The following NRG4 variants were observed in gnomAD, a reference collection of about 807,000 sequenced individuals.
The protein encoded by NRG4 is neuregulin 4, also known as pro-neuregulin-4, membrane-bound isoform.
In NRG4, 10 loss-of-function variants were observed where a neutral mutation model predicts 15.0. The observed-to-expected ratio is 0.67, with a 90% CI of 0.41 to 1.13. The LOEUF (loss-of-function observed/expected upper bound fraction) is 1.13, where lower values mean the gene tolerates loss of function less well. Ranked by LOEUF, NRG4 falls within the 50% of genes most tolerant of loss-of-function variation. The pLI is 0.00. For synonymous variants in NRG4, 41 were observed against 50.1 expected (o/e 0.82, Z 0.77); for missense variants, 139 against 140.2 (o/e 0.99, Z 0.04).
Position 75,941,310 on chromosome 15 carries a change from G to T in NRG4, c.*2328C>A, listed in dbSNP as rs948927905. 5.3e-5 allele frequency: 8 copies of T among 152,222 alleles called. No individual in the cohort carries two copies. The East Asian group carries it at 1.4e-3, about 26-fold the overall frequency. The allele number at this position is 152,222 out of a possible 1,614,324, so 9.4% of individuals were successfully genotyped here. On this transcript the variant is annotated 3_prime_UTR_variant, in exon 6 of 6. Transcript: ENST00000394907. ...GTGTTGGCAAGGATGTGGAGAAATT[G>T]GAACTCTTATTACTGATGGAAATAT...
chr15:75,942,653 G>A lies in NRG4; in HGVS notation c.*985C>T, dbSNP rs960507790. 2 of 152,244 alleles carry A rather than the reference G, an allele frequency of 1.3e-5. No homozygotes were observed. The highest frequency in any genetic ancestry group is 4.8e-5 in the African/African-American group (2 of 41,440). 9.4% of individuals were successfully genotyped at this position (152,244 alleles called of 1,614,324 possible). A position where few individuals can be genotyped will look rare whatever the true frequency, so the allele number is the denominator to read the frequency against. ...CAGCACTTACACTGGGCCAGACTGTGTAGAGAAGCCAGCGTGCATCCCAGC... is the reference window on the plus strand; with the variant it reads ...CAGCACTTACACTGGGCCAGACTGTATAGAGAAGCCAGCGTGCATCCCAGC... On this transcript the variant is annotated 3_prime_UTR_variant, in exon 6 of 6. Coordinates refer to ENST00000394907, the MANE Select transcript of NRG4 (RefSeq NM_138573.4).
chr15:76,000,452 T>C (rs1343803779), intron 3 of NRG4, among the ~76,000 whole-genome samples: 1 of 152,166 alleles, frequency 6.6e-6, no homozygotes, highest in East Asian at 1.9e-4. Flanking sequence ...CCAGCTTTCC[T>C]CATAACTAGG....
chr15:76,038,917 A>G (rs891013899), intron 4 of NRG4, among the ~76,000 whole-genome samples: 2 of 152,092 alleles, frequency 1.3e-5, no homozygotes, highest in Non-Finnish European at 2.9e-5. Context: ...GCACAGAGAA[A>G]CTCCATTTGT....
intron 4 of NRG4, 75 bp from the exon 5 acceptor site, chr15:75,956,086 G>GTTT: frequency 2.1e-6 from 1 of 486,706 alleles, no homozygotes. Flanking sequence ...TAGAAAGAAA[G>GTTT]TTTTTTTTTT....
At chr15:75,978,042 C>G (rs1000102404) in intron 3 of NRG4, among the ~76,000 whole-genome samples, 8 of 152,146 alleles carry the variant, frequency 5.3e-5, no homozygotes, top group Non-Finnish European at 1.2e-4. Flanking sequence ...GTCTCCAACT[C>G]CTGACCTCAA....
At chr15:75,992,086 T>C (rs1459105309) in intron 3 of NRG4, among the ~76,000 whole-genome samples, 1 of 152,160 alleles carries the variant, frequency 6.6e-6, no homozygotes, top group Non-Finnish European at 1.5e-5. Flanking sequence ...TACTTAGGGT[T>C]ACTATTATAT....
chr15:76,006,505 C>T (rs979807492), intron 3 of NRG4, among the ~76,000 whole-genome samples: 1 of 151,996 alleles, frequency 6.6e-6, no homozygotes, highest in African/African-American at 2.4e-5. Context: ...CCCTTTTGTT[C>T]CCTACCCCAC....
chr15:75,972,824 T>A (rs1472953525), intron 3 of NRG4, among the ~76,000 whole-genome samples: 1 of 152,214 alleles, frequency 6.6e-6, no homozygotes, highest in African/African-American at 2.4e-5. Context: ...AGCTTTGTTC[T>A]TCTTGTCCAG....
chr15:75,997,629 C>T (rs1474549095), intron 3 of NRG4, among the ~76,000 whole-genome samples: 1 of 152,140 alleles, frequency 6.6e-6, no homozygotes, highest in Non-Finnish European at 1.5e-5. Flanking sequence ...TTAATACTAG[C>T]TGCCTTTAAT....
intron 4 of NRG4, among the ~76,000 whole-genome samples, chr15:76,038,656 T>C (rs1407517728): frequency 6.6e-6 from 1 of 152,214 alleles, no homozygotes; most frequent in African/African-American, 2.4e-5. Flanking sequence ...AGATGGCATC[T>C]CTGGACCTGC....
intron 3 of NRG4, among the ~76,000 whole-genome samples, chr15:76,004,173 T>C (rs555885475): frequency 2.2e-4 from 33 of 152,234 alleles, no homozygotes; most frequent in Non-Finnish European, 4.0e-4. Flanking sequence ...AGAGTTCTTA[T>C]ATGTGATTGA....
chr15:75,996,849 A>T (rs1179199561), intron 3 of NRG4, among the ~76,000 whole-genome samples: 1 of 152,204 alleles, frequency 6.6e-6, no homozygotes, highest in Non-Finnish European at 1.5e-5. Flanking sequence ...TATCATAAAG[A>T]TCTATAAATA....
chr15:76,019,721 A>C (rs2141925371), intron 5 of NRG4, among the ~76,000 whole-genome samples: 1 of 152,196 alleles, frequency 6.6e-6, no homozygotes, highest in East Asian at 1.9e-4. Context: ...CCTCAGCCAG[A>C]AATGCAGAAA....
chr15:76,011,083 A>T, intron 2 of NRG4, 138 bp downstream of exon 2: 1 of 743,108 alleles, frequency 1.3e-6, no homozygotes, highest in Admixed American at 3.5e-5. Context: ...CATATTTGAA[A>T]TATTAATTTC....
chr15:76,033,519 C>G (rs907899893), intron 5 of NRG4, among the ~76,000 whole-genome samples: 1 of 152,170 alleles, frequency 6.6e-6, no homozygotes, highest in East Asian at 1.9e-4. Flanking sequence ...TATAATGTAT[C>G]AGTTTAGAAA....
rs1270975701 is a variant in NRG4, at chr15:76,048,331, G to A, written c.-105+3736C>T. Among the ~76,000 whole-genome samples, 4 of 149,898 alleles carry A rather than the reference G, an allele frequency of 2.7e-5. No homozygotes were observed. In the East Asian group the frequency reaches 7.7e-4, roughly 29 times the overall value. ...TACTAAAAACATCAAAATTAGCCAG[G>A]TGTGGTGGTGCATGCCTGTAATTCT... On this transcript the variant is annotated intron_variant, in intron 4 of 8. Coordinates refer to the NRG4 transcript ENST00000563910.
At chr15:76,039,247 C>T (rs1365844984) in intron 4 of NRG4, among the ~76,000 whole-genome samples, 1 of 152,160 alleles carries the variant, frequency 6.6e-6, no homozygotes, top group African/African-American at 2.4e-5. Context: ...TCCAGGAAAA[C>T]ATACCCTCAC....
At chr15:75,960,940 A>G (rs2032486424) in intron 4 of NRG4, among the ~76,000 whole-genome samples, 1 of 152,214 alleles carries the variant, frequency 6.6e-6, no homozygotes. Context: ...ATATTTTTAA[A>G]AAGCCAATTT....
chr15:76,031,683 G>A (rs1452050709), intron 5 of NRG4, among the ~76,000 whole-genome samples: 1 of 152,082 alleles, frequency 6.6e-6, no homozygotes, highest in Non-Finnish European at 1.5e-5. Context: ...GGGCGACAGA[G>A]CAAGATTCCG....
Sources: allele counts gnomAD v4.1 joint callset (sites outside exome capture counted in the v4.1 genomes callset), GRCh38; gene constraint gnomAD v4.1.1; transcripts MANE v1.5; gene names NCBI Gene and HGNC (gene_info 2026-07-23, HGNC 2026-07-21).